The following MLC1 variants were observed in gnomAD, a reference collection of about 807,000 sequenced individuals.
MLC1 encodes membrane protein MLC1.
In MLC1, 32 loss-of-function variants were observed where a neutral mutation model predicts 44.7. The ratio of observed to expected loss-of-function variants is 0.72; its 90% confidence interval spans 0.54 to 0.96. MLC1 has a LOEUF of 0.96. Among genes scored for constraint, MLC1 ranks in the 40% least tolerant of loss-of-function variants. MLC1 has a pLI of 0.00. For synonymous variants in MLC1, 190 were observed against 213.0 expected (o/e 0.89, Z 0.94); for missense variants, 459 against 492.2 (o/e 0.93, Z 0.64).
upstream of MLC1, chr22:50,085,496 G>A (rs1348053338): frequency 6.0e-6 from 1 of 167,148 alleles, no homozygotes; most frequent in Non-Finnish European, 1.3e-5. Context: ...ATCAATGAGG[G>A]GAGGAATCGG....
intron 2 of MLC1, 85 bp downstream of exon 2, chr22:50,084,640 CA>C (rs1355566921): frequency 9.0e-6 from 13 of 1,448,922 alleles, no homozygotes; most frequent in Admixed American, 6.7e-5. Context: ...CTCTCTGTCC[CA>C]CCTGGGGCTC....
chr22:50,074,806 C>T, intron 7 of MLC1: 1 of 211,586 alleles, frequency 4.7e-6, no homozygotes, highest in Non-Finnish European at 9.8e-6. Context: ...TGGACGTCAC[C>T]ACCCCTTTCC....
chr22:50,065,050 C>T (rs1463111052), intron 10 of MLC1, among the ~76,000 whole-genome samples: 1 of 152,126 alleles, frequency 6.6e-6, no homozygotes, highest in Non-Finnish European at 1.5e-5. Context: ...TCAACCTCGC[C>T]AGTAGCTGGG....
chr22:50,061,680 G>A (rs1211857746), intron 11 of MLC1, 23 bp from the exon 12 acceptor site: 7 of 1,606,486 alleles, frequency 4.4e-6, no homozygotes, highest in Middle Eastern at 1.6e-4. Flanking sequence ...CAGGAAAGGT[G>A]TTACTTCACC....
At chr22:50,069,344 A>G (rs1569244742) in intron 9 of MLC1, among the ~76,000 whole-genome samples, 1 of 152,018 alleles carries the variant, frequency 6.6e-6, no homozygotes. Flanking sequence ...ACAGTGCCAC[A>G]AGTTTTGAAA....
intron 4 of MLC1, 118 bp from the exon 5 acceptor site, chr22:50,080,137 G>C: frequency 2.0e-6 from 2 of 1,000,244 alleles, no homozygotes; most frequent in Non-Finnish European, 3.1e-6. Flanking sequence ...ATAATGGTGG[G>C]GAGTCCTGCG....
At position 50,084,772 on chromosome 22, in the gene MLC1, G is replaced by A. The variant is rs754954583; in HGVS notation, c.131C>T (p.Pro44Leu). The stretch of plus-strand genomic sequence containing the variant: ...CCACGTCTTGTGGCTGAAGCAGGGG[G>A]GCAGTCTCTTCGACAGCTGCAGGTC... The part of the protein sequence containing the change: ...PSDLQLSKRL[P>L]PCFSHKTWVF... Residue 44 changes from proline (P) to leucine (L), a missense_variant, in exon 2 of 12, where the codon CCC becomes CTC. Coordinates refer to ENST00000311597, the MANE Select transcript of MLC1 (RefSeq NM_015166.4). The A allele has an allele frequency of 1.8e-5, 29 of 1,614,108 alleles. No individual in the cohort carries two copies. In the South Asian group the frequency reaches 2.0e-4, roughly 11 times the overall value.
chr22:50,084,184 T>C (rs556733096), intron 2 of MLC1, among the ~76,000 whole-genome samples: 4 of 152,176 alleles, frequency 2.6e-5, no homozygotes, highest in African/African-American at 9.6e-5. Flanking sequence ...CCTCCAATCA[T>C]CTCTGTGCCC....
Position 50,076,918 on chromosome 22 carries a change from A to G in MLC1, c.526-6T>C. The G allele has an allele frequency of 6.2e-7, 1 of 1,613,910 alleles. No homozygotes were observed. Among genetic ancestry groups the G allele is most frequent in the Non-Finnish European group, 8.5e-7 (1 of 1,179,858 alleles). On this transcript the variant is annotated splice_polypyrimidine_tract_variant and splice_region_variant and intron_variant, in intron 6 of 11. Transcript: ENST00000311597. ...GCGCTGTCAGACATGGAGCCCTACGAAGAAACAGAACTGTCACCCCGGGTG... is the reference window on the plus strand; with the variant it reads ...GCGCTGTCAGACATGGAGCCCTACGGAGAAACAGAACTGTCACCCCGGGTG...
intron 10 of MLC1, 152 bp from the exon 11 acceptor site, chr22:50,064,350 C>T: frequency 1.2e-6 from 1 of 860,982 alleles, no homozygotes; most frequent in Non-Finnish European, 1.8e-6. Context: ...TTTCAACAAC[C>T]TGATGATAAT....
At position 50,077,492 on chromosome 22, in the gene MLC1, T is replaced by C. The variant is rs1163541843; in HGVS notation, c.434A>G (p.Asn145Ser). The C allele has an allele frequency of 1.2e-6, 2 of 1,613,360 alleles. No individual in the cohort carries two copies. The highest frequency in any genetic ancestry group is 2.2e-5 in the South Asian group (2 of 91,060). Residue 145 changes from asparagine (N) to serine (S), a missense_variant, in exon 6 of 12, where the codon AAC becomes AGC. Coordinates refer to ENST00000311597, the MANE Select transcript of MLC1 (RefSeq NM_015166.4). The part of the protein sequence containing the change: ...LNPSAININF[N>S]LILLLLLELL... ...CTCCAGCAGGAGCAGCAGGATGAGG[T>C]TGAAGTTGATCTGCCAAGGGGCACA...
chr22:50,068,075 A>G (rs2061756409), intron 10 of MLC1, among the ~76,000 whole-genome samples: 1 of 152,198 alleles, frequency 6.6e-6, no homozygotes, highest in African/African-American at 2.4e-5. Flanking sequence ...AAGTAACAGG[A>G]CTTTGAATTC....
In MLC1 at chr22:50,075,182, C is replaced by T. The variant is rs545726678; in HGVS notation, c.598-850G>A. On this transcript the variant is annotated intron_variant, in intron 7 of 11. Coordinates refer to ENST00000311597, the MANE Select transcript of MLC1 (RefSeq NM_015166.4). ...CTCAGGGAGGGGCCGCAACCAGCACCGCCAGACTCAGGGAGGGGCCGCAAC... is the reference window on the plus strand; with the variant it reads ...CTCAGGGAGGGGCCGCAACCAGCACTGCCAGACTCAGGGAGGGGCCGCAAC... Among the ~76,000 whole-genome samples the T allele has an allele frequency of 4.0e-4, 61 of 150,914 alleles. 1 individual carries two copies. The highest frequency in any genetic ancestry group is 1.3e-3 in the Admixed American group (20 of 15,242).
At chr22:50,078,296 A>G (rs1031700169) in intron 5 of MLC1, among the ~76,000 whole-genome samples, 1 of 152,014 alleles carries the variant, frequency 6.6e-6, no homozygotes, top group Non-Finnish European at 1.5e-5. Context: ...CGGCCTGACA[A>G]TTTTTAAAAT....
chr22:50,079,182 G>C (rs187076798), intron 5 of MLC1, among the ~76,000 whole-genome samples: 94 of 152,118 alleles, frequency 6.2e-4, no homozygotes, highest in Non-Finnish European at 1.0e-3. Context: ...TACTCCAGAG[G>C]CTGAGGCAGG....
At chr22:50,080,097 C>A (rs910242031) in intron 4 of MLC1, 78 bp from the exon 5 acceptor site, 9 of 1,217,466 alleles carry the variant, frequency 7.4e-6, no homozygotes, top group African/African-American at 1.5e-5. Flanking sequence ...ACACTTCAGG[C>A]CATTCACTAA....
intron 8 of MLC1, among the ~76,000 whole-genome samples, chr22:50,072,192 G>A (rs1002371534): frequency 8.5e-5 from 13 of 152,212 alleles, no homozygotes; most frequent in African/African-American, 1.7e-4. Flanking sequence ...GAGTTTCCCC[G>A]TTCACCCAGC....
intron 7 of MLC1, among the ~76,000 whole-genome samples, chr22:50,076,149 G>C (rs2061974952): frequency 6.6e-6 from 1 of 151,950 alleles, no homozygotes; most frequent in Non-Finnish European, 1.5e-5. Context: ...AGAGGAAATG[G>C]GCTACATTCA....
intron 1 of MLC1, 68 bp from the exon 2 acceptor site, chr22:50,085,029 T>C (rs2062247184): frequency 1.3e-6 from 2 of 1,510,442 alleles, no homozygotes; most frequent in Non-Finnish European, 1.8e-6. Context: ...CCAAGAAATA[T>C]TTTTTAACAA....
Sources: gnomAD v4.1 joint callset for allele counts (sites outside exome capture counted in the v4.1 genomes callset) on GRCh38, gnomAD v4.1.1 for gene constraint, MANE v1.5 for transcripts, NCBI Gene and HGNC (gene_info 2026-07-23, HGNC 2026-07-21) for gene names.